PCGF5: variants seen among roughly 807,000 people sequenced by gnomAD.
The protein encoded by PCGF5 is polycomb group RING finger protein 5.
A neutral mutation model predicts 44.3 loss-of-function variants in PCGF5; 9 were observed. That is an observed-to-expected ratio of 0.20 (90% CI 0.12 to 0.35). The LOEUF (loss-of-function observed/expected upper bound fraction) is 0.35. Among genes scored for constraint, PCGF5 ranks in the 10% least tolerant of loss-of-function variants. PCGF5 has a pLI of 1.00. For missense variants in PCGF5, 146 were observed against 305.3 expected, an observed-to-expected ratio of 0.48 and a Z score of 3.89; for synonymous variants, 95 against 102.5, an observed-to-expected ratio of 0.93 and a Z score of 0.44.
chr10:91,233,188 C>G (rs1051628709), intron 2 of PCGF5, among the ~76,000 whole-genome samples: 3 of 152,130 alleles, frequency 2.0e-5, no homozygotes, highest in Non-Finnish European at 4.4e-5. Flanking sequence ...ATGGGGCCAT[C>G]CCAGTCTTAC....
chr10:91,159,078 A>G (rs1843350248), upstream of PCGF5, among the ~76,000 whole-genome samples: 1 of 152,150 alleles, frequency 6.6e-6, no homozygotes, highest in South Asian at 2.1e-4. Context: ...ATAACTGAGC[A>G]CTTCTTTAAA....
At chr10:91,216,347 A>T (rs1184378671), upstream of PCGF5, among the ~76,000 whole-genome samples, 2 of 152,194 alleles carry the variant, frequency 1.3e-5, no homozygotes, top group Non-Finnish European at 2.9e-5. Flanking sequence ...GGGGATAAAG[A>T]CAGGGTGGTC....
At chr10:91,242,479 C>A (rs1431666509) in intron 3 of PCGF5, among the ~76,000 whole-genome samples, 1 of 152,014 alleles carries the variant, frequency 6.6e-6, no homozygotes, top group African/African-American at 2.4e-5. Flanking sequence ...TCTTAAAGGG[C>A]CACATCATAA....
At chr10:91,210,062 A>G (rs1217121667) in intron 1 of PCGF5, among the ~76,000 whole-genome samples, 1 of 152,248 alleles carries the variant, frequency 6.6e-6, no homozygotes, top group African/African-American at 2.4e-5. Flanking sequence ...TAGACAATCT[A>G]TAAAGCTTGG....
intron 1 of PCGF5, among the ~76,000 whole-genome samples, chr10:91,173,010 A>AC (rs1843637396): frequency 1.3e-5 from 2 of 152,216 alleles, no homozygotes; most frequent in African/African-American, 4.8e-5. Flanking sequence ...ACTATTTGTG[A>AC]TCTTACTAAT....
intron 1 of PCGF5, among the ~76,000 whole-genome samples, chr10:91,204,896 A>T (rs1844316804): frequency 6.6e-6 from 1 of 152,216 alleles, no homozygotes; most frequent in South Asian, 2.1e-4. Context: ...TTGATGTTCA[A>T]GTTTTAACTT....
chr10:91,209,057 T>C (rs756043708), intron 1 of PCGF5, among the ~76,000 whole-genome samples: 4 of 152,246 alleles, frequency 2.6e-5, no homozygotes, highest in African/African-American at 4.8e-5. Context: ...TCTGGCCATT[T>C]GTAGTTTGTT....
At chr10:91,243,142 G>A (rs145681541) in intron 3 of PCGF5, among the ~76,000 whole-genome samples, 1 of 152,298 alleles carries the variant, frequency 6.6e-6, no homozygotes, top group East Asian at 1.9e-4. Flanking sequence ...AAGCAAACTG[G>A]TGATGGTGAT....
chr10:91,241,830 G>T (rs1453637112), intron 3 of PCGF5, among the ~76,000 whole-genome samples: 1 of 152,034 alleles, frequency 6.6e-6, no homozygotes, highest in Non-Finnish European at 1.5e-5. Flanking sequence ...ATGCCTGTTT[G>T]GGATAATTTG....
chr10:91,272,258 A>G (rs755125715), intron 9 of PCGF5, among the ~76,000 whole-genome samples: 1 of 152,240 alleles, frequency 6.6e-6, no homozygotes, highest in African/African-American at 2.4e-5. Context: ...AATTTGGGAA[A>G]CAGACAAGGG....
chr10:91,245,058 C>G (rs1377934799), intron 3 of PCGF5, among the ~76,000 whole-genome samples: 2 of 152,018 alleles, frequency 1.3e-5, no homozygotes, highest in Admixed American at 6.6e-5. Flanking sequence ...GGAGTGAGTA[C>G]AGAGAGGCAC....
chr10:91,194,681 C>T (rs1184129849), intron 1 of PCGF5, among the ~76,000 whole-genome samples: 2 of 151,934 alleles, frequency 1.3e-5, no homozygotes, highest in East Asian at 1.9e-4. Context: ...AAAAAGGTCT[C>T]GAATTCAAAA....
rs75273475 is a variant in PCGF5, at chr10:91,185,442, G to A, written c.-184+22361G>A. ...ACAGCTCCATGCAACACTGTTGTCCGTGCCTGGCTGGAATTCCAAGCCAGT... is the reference window on the plus strand; with the variant it reads ...ACAGCTCCATGCAACACTGTTGTCCATGCCTGGCTGGAATTCCAAGCCAGT... On this transcript the variant is annotated intron_variant, in intron 1 of 9. Transcript: ENST00000614189. 5.7e-3 allele frequency among the ~76,000 whole-genome samples: 867 copies of A among 152,322 alleles called. 6 individuals carry two copies. Among genetic ancestry groups the A allele is most frequent in the African/African-American group, 0.019 (795 of 41,568 alleles).
chr10:91,180,592 A>G (rs1444680638), intron 1 of PCGF5, among the ~76,000 whole-genome samples: 3 of 151,976 alleles, frequency 2.0e-5, no homozygotes, highest in Non-Finnish European at 4.4e-5. Flanking sequence ...TATTTATGCT[A>G]TTTATGAATA....
chr10:91,233,616 G>A (rs746241393), intron 2 of PCGF5, among the ~76,000 whole-genome samples: 2 of 152,116 alleles, frequency 1.3e-5, no homozygotes, highest in African/African-American at 2.4e-5. Context: ...ATGCATGGAA[G>A]CGAATTACAG....
At chr10:91,257,288 AT>A (rs1390794846) in intron 6 of PCGF5, among the ~76,000 whole-genome samples, 25 of 151,988 alleles carry the variant, frequency 1.6e-4, no homozygotes, top group Non-Finnish European at 5.9e-5. Context: ...ATGGCCAGAA[AT>A]TTTTTTTAAG....
chr10:91,239,125 G>C (rs868744764), intron 2 of PCGF5, among the ~76,000 whole-genome samples: 1 of 152,046 alleles, frequency 6.6e-6, no homozygotes, highest in Non-Finnish European at 1.5e-5. Context: ...CTTATTTTTG[G>C]GGGGCGGAGG....
At chr10:91,172,349 G>T (rs113993754) in intron 1 of PCGF5, among the ~76,000 whole-genome samples, 6,174 of 152,198 alleles carry the variant, frequency 0.041, 400 homozygotes, top group African/African-American at 0.14. Context: ...AACCCAGGAG[G>T]CGGAGGTTGT....
At position 91,187,703 on chromosome 10, in the gene PCGF5, A is replaced by G. The variant is rs150304500; in HGVS notation, c.-184+24622A>G. ...AACTTCAATGCTTCATGTTTTCTTC[A>G]AAGAAGTCTATATATTTACTTCTTA... On this transcript the variant is annotated intron_variant, in intron 1 of 9. Transcript: ENST00000614189. 1.1e-4 allele frequency among the ~76,000 whole-genome samples: 16 copies of G among 152,298 alleles called. No individual in the cohort carries two copies. In the East Asian group the frequency reaches 2.5e-3, roughly 24 times the overall value.
Sources: gnomAD v4.1 joint callset for allele counts (sites outside exome capture counted in the v4.1 genomes callset) on GRCh38, gnomAD v4.1.1 for gene constraint, MANE v1.5 for transcripts, NCBI Gene and HGNC (gene_info 2026-07-23, HGNC 2026-07-21) for gene names.